Variants in VAV2 observed in about 807,000 individuals in gnomAD.
VAV2 encodes the protein guanine nucleotide exchange factor VAV2.
VAV2 carries 67 observed loss-of-function variants against 132.5 expected under a neutral mutation model. The observed-to-expected ratio is 0.51, with a 90% confidence interval of 0.42 to 0.62. VAV2 has a LOEUF of 0.62. Ranked by LOEUF, VAV2 falls within the 20% of genes least tolerant of loss-of-function variation. VAV2 has a pLI of 0.00. For synonymous variants in VAV2, 492 were observed against 443.5 expected (o/e 1.11, Z -1.37); for missense variants, 938 against 1,153.6 (o/e 0.81, Z 2.71).
At chr9:133,835,434 C>T (rs574349659) in intron 3 of VAV2, among the ~76,000 whole-genome samples, 1 of 149,096 alleles carries the variant, frequency 6.7e-6, no homozygotes, top group African/African-American at 2.6e-5. Flanking sequence ...GGAGGAGAGG[C>T]AGGAGAGGCA....
At position 133,763,908 on chromosome 9, in the gene VAV2, G is replaced by A. The variant is rs1052393353; in HGVS notation, c.*154C>T. The A allele has an allele frequency of 1.3e-5, 12 of 905,954 alleles. No homozygotes were observed. The highest frequency in any genetic ancestry group is 2.1e-5 in the Non-Finnish European group (12 of 581,354). 56.1% of individuals were successfully genotyped at this position (905,954 alleles called of 1,614,324 possible). ...GCAGGCTGACAGTGAAACGGTTCGA[G>A]TTTAGGATTCTCAACACCCTCCCTA... On this transcript the variant is annotated 3_prime_UTR_variant, in exon 30 of 30. Coordinates refer to ENST00000371850, the MANE Select transcript of VAV2 (RefSeq NM_001134398.2). This position sits in a 1 kb window ranked among gnomAD's most constrained non-coding sequence, Gnocchi z 6.8.
chr9:133,832,310 C>G (rs1836293452), intron 4 of VAV2, among the ~76,000 whole-genome samples: 1 of 152,208 alleles, frequency 6.6e-6, no homozygotes, highest in Non-Finnish European at 1.5e-5. Flanking sequence ...GAAGGATTTC[C>G]AAGGCAAGGA....
chr9:133,899,863 T>C (rs1035713699), intron 2 of VAV2, among the ~76,000 whole-genome samples: 14 of 150,380 alleles, frequency 9.3e-5, no homozygotes, highest in Admixed American at 7.3e-4. Context: ...CTACTAAAAG[T>C]ACAAAAAATT....
chr9:133,785,956 C>G lies in VAV2; in HGVS notation c.1423-71G>C, dbSNP rs1352619677. On this transcript the variant is annotated intron_variant, in intron 16 of 29. Transcript: ENST00000371850. ...ACATCCTGGCACATGTCCACGTGTACTCTCGCCTGTGCAGCATGTGCACGT... is the reference window on the plus strand; with the variant it reads ...ACATCCTGGCACATGTCCACGTGTAGTCTCGCCTGTGCAGCATGTGCACGT... 1.5e-5 allele frequency: 21 copies of G among 1,372,812 alleles called. No homozygotes were observed. The Admixed American group carries it at 3.3e-4, about 22-fold the overall frequency. The allele number at this position is 1,372,812 out of a possible 1,614,324, so 85.0% of individuals were successfully genotyped here.
Position 133,880,176 on chromosome 9 carries a change from A to G in VAV2, c.322-18744T>C, listed in dbSNP as rs150655801. 4.5e-3 allele frequency among the ~76,000 whole-genome samples: 681 copies of G among 152,314 alleles called. 7 individuals are homozygous for G. The highest frequency in any genetic ancestry group is 0.016 in the African/African-American group (649 of 41,568). On this transcript the variant is annotated intron_variant, in intron 2 of 29. Transcript: ENST00000371850. Reference sequence around the variant, plus strand: ...GCATCCCTCCACCAGCCCCTTGCCCACTTGGCACTCACGAGCAGCCCTGGA... The same window carrying G: ...GCATCCCTCCACCAGCCCCTTGCCCGCTTGGCACTCACGAGCAGCCCTGGA...
chr9:133,895,738 G>A (rs556265406), intron 2 of VAV2, among the ~76,000 whole-genome samples: 7 of 152,266 alleles, frequency 4.6e-5, no homozygotes, highest in South Asian at 4.1e-4. Context: ...ATGGCCTTGT[G>A]AATACACTGA....
At chr9:133,888,876 A>G (rs552548364) in intron 2 of VAV2, among the ~76,000 whole-genome samples, 2 of 152,340 alleles carry the variant, frequency 1.3e-5, no homozygotes, top group East Asian at 3.9e-4. Flanking sequence ...CCTCAGAAAC[A>G]AAAGTGACAC....
intron 3 of VAV2, among the ~76,000 whole-genome samples, chr9:133,851,668 A>ATGGATGGG (rs1837173972): frequency 1.0e-5 from 1 of 95,900 alleles, no homozygotes; most frequent in African/African-American, 7.7e-5. Context: ...AGAAGGGTGG[A>ATGGATGGG]TGGATGGATG....
In VAV2 at chr9:133,884,271, C is replaced by A. The variant is rs568522561; in HGVS notation, c.322-22839G>T. Among the ~76,000 whole-genome samples the A allele has an allele frequency of 6.6e-6, 1 of 152,308 alleles. No homozygotes were observed. Among genetic ancestry groups the A allele is most frequent in the East Asian group, 1.9e-4 (1 of 5,184 alleles). ...CACCTAGATGAGCAGCACGGGAGCA[C>A]ACTGAATGAACATGTGATCATTACC... On this transcript the variant is annotated intron_variant, in intron 2 of 29. Transcript: ENST00000371850. The surrounding 1 kb of genome is among the most constrained non-coding windows in gnomAD (Gnocchi z 5.3).
At chr9:133,846,300 CT>C (rs1000711673) in intron 3 of VAV2, among the ~76,000 whole-genome samples, 114 of 152,280 alleles carry the variant, frequency 7.5e-4, no homozygotes, top group African/African-American at 2.7e-3. Flanking sequence ...GGTGTCACCC[CT>C]GGCACCTCCT....
intron 4 of VAV2, among the ~76,000 whole-genome samples, chr9:133,828,402 T>C (rs370930956): frequency 0.02 from 45 of 2,286 alleles, 15 homozygotes; most frequent in Admixed American, 0.048. Context: ...GACCACTGAG[T>C]GGGGGCATCA....
At chr9:133,889,895 C>G (rs1181894303) in intron 2 of VAV2, among the ~76,000 whole-genome samples, 1 of 152,212 alleles carries the variant, frequency 6.6e-6, no homozygotes. Flanking sequence ...AAAAAGAACT[C>G]CAGGCTGGAA....
intron 1 of VAV2, among the ~76,000 whole-genome samples, chr9:133,973,458 GCT>G: frequency 6.6e-6 from 1 of 152,146 alleles, no homozygotes; most frequent in Admixed American, 6.5e-5. Flanking sequence ...TCCCTATGCC[GCT>G]GGCCTCTGGT....
intron 4 of VAV2, among the ~76,000 whole-genome samples, chr9:133,813,613 G>A (rs908669889): frequency 6.6e-6 from 1 of 152,246 alleles, no homozygotes; most frequent in African/African-American, 2.4e-5. Context: ...GAAGCCGGGG[G>A]TGAGCCCAGC....
At chr9:133,986,850 G>A (rs996520360) in intron 1 of VAV2, among the ~76,000 whole-genome samples, 1 of 151,938 alleles carries the variant, frequency 6.6e-6, no homozygotes, top group Non-Finnish European at 1.5e-5. Flanking sequence ...CTTCCATGTC[G>A]CTTTTCAGTC....
intron 17 of VAV2, among the ~76,000 whole-genome samples, chr9:133,785,398 C>T (rs149265452): frequency 4.6e-5 from 7 of 152,336 alleles, no homozygotes; most frequent in Non-Finnish European, 5.9e-5. Context: ...GCCGCCAGCC[C>T]GTAAGACCCT....
intron 2 of VAV2, among the ~76,000 whole-genome samples, chr9:133,880,818 G>C (rs541964045): frequency 6.6e-6 from 1 of 152,340 alleles, no homozygotes; most frequent in Admixed American, 6.5e-5. Context: ...AAATATCTAG[G>C]TAAAGCAGGG....
intron 1 of VAV2, among the ~76,000 whole-genome samples, chr9:133,978,691 T>C (rs936475350): frequency 6.6e-6 from 1 of 152,210 alleles, no homozygotes; most frequent in African/African-American, 2.4e-5. Flanking sequence ...AGCATCAGGA[T>C]TGCAAAACCT....
rs899947541 is a variant in VAV2 at position 133,834,550 on chromosome 9, T to G, written c.381-210A>C. ...CATAGGGCAAGAGGAGACCCATGCC[T>G]ACTTGCCAGGGGGCAAGGAATGTGT... On this transcript the variant is annotated intron_variant, in intron 3 of 29. Transcript: ENST00000371850. The surrounding 1 kb of genome is among the most constrained non-coding windows in gnomAD (Gnocchi z 5.9). Among the ~76,000 whole-genome samples, 1 of 152,244 alleles carries G rather than the reference T, an allele frequency of 6.6e-6. No homozygotes were observed. Among genetic ancestry groups the G allele is most frequent in the Non-Finnish European group, 1.5e-5 (1 of 68,030 alleles).
Sources: allele counts gnomAD v4.1 joint callset (sites outside exome capture counted in the v4.1 genomes callset), GRCh38; gene constraint gnomAD v4.1.1; non-coding constraint Gnocchi (gnomAD v3.1); transcripts MANE v1.5; gene names NCBI Gene and HGNC (gene_info 2026-07-23, HGNC 2026-07-21).